The following TBC1D1 variants were observed in gnomAD, a reference collection of about 807,000 sequenced individuals.
TBC1D1 encodes TBC1 (tre-2/USP6, BUB2, cdc16) domain family, member 1.
Under a neutral mutation model 125.6 loss-of-function variants are expected in TBC1D1, and 89 were observed. The ratio of observed to expected loss-of-function variants is 0.71; its 90% CI spans 0.60 to 0.85. TBC1D1 has a LOEUF of 0.85. Among genes scored for constraint, TBC1D1 ranks in the 40% least tolerant of loss-of-function variants. TBC1D1 has a pLI of 0.00. For missense variants in TBC1D1, 1,377 were observed against 1,469.2 expected, an observed-to-expected ratio of 0.94 and a Z score of 1.03; for synonymous variants, 565 against 564.1, an observed-to-expected ratio of 1.00 and a Z score of -0.02.
intron 2 of TBC1D1, chr4:37,952,422 T>TAC (rs1728074788): frequency 3.5e-6 from 1 of 288,234 alleles, no homozygotes; most frequent in African/African-American, 2.2e-5. Context: ...ATGTGGTACA[T>TAC]ACACACCATG....
At chr4:37,967,494 C>CA (rs1280950326) in intron 2 of TBC1D1, among the ~76,000 whole-genome samples, 1,879 of 89,750 alleles carry the variant, frequency 0.021, 40 homozygotes, top group Admixed American at 0.1. Context: ...GACTCTGTCT[C>CA]AAAAAAAAAA....
intron 1 of TBC1D1, among the ~76,000 whole-genome samples, chr4:37,895,404 G>C (rs1036103076): frequency 6.6e-6 from 1 of 151,990 alleles, no homozygotes; most frequent in Non-Finnish European, 1.5e-5. Context: ...CCATTCTAAA[G>C]GACTAGCCTT....
At chr4:38,133,333 G>C in intron 19 of TBC1D1, 76 bp downstream of exon 21, 1 of 1,420,032 alleles carries the variant, frequency 7.0e-7, no homozygotes. Context: ...GGCAACAGCA[G>C]GCTGGGCTTT....
rs757142917 is a variant in TBC1D1, at chr4:38,118,014, T to G, written c.2803-19T>G. ...TGGCAGATCCCTAATTCTCAGCCCT[T>G]GTGGCTGTCTTCCTGCAGATCCAGA... On this transcript the variant is annotated intron_variant, in intron 16 of 19. Transcript: ENST00000261439. 64 of 1,613,220 alleles carry G rather than the reference T, an allele frequency of 4.0e-5. No homozygotes were observed. Among genetic ancestry groups the G allele is most frequent in the Non-Finnish European group, 4.5e-5 (53 of 1,179,518 alleles).
chr4:38,060,627 CTG>C (rs1318473982), intron 12 of TBC1D1: 1 of 1,289,174 alleles, frequency 7.8e-7, no homozygotes, highest in Admixed American at 2.3e-5. Flanking sequence ...CAGAACCTCA[CTG>C]TGGATCGCCA....
At chr4:38,116,639 C>T (rs536917194) in intron 16 of TBC1D1, among the ~76,000 whole-genome samples, 38 of 152,264 alleles carry the variant, frequency 2.5e-4, no homozygotes, top group African/African-American at 8.2e-4. Flanking sequence ...GAAGTAGGCA[C>T]CCCATAAGTA....
intron 12 of TBC1D1, among the ~76,000 whole-genome samples, chr4:38,085,327 A>AT (rs947784752): frequency 2.0e-5 from 3 of 152,106 alleles, no homozygotes; most frequent in South Asian, 2.1e-4. Flanking sequence ...AGGCTACATA[A>AT]TTTAAGTGCT....
intron 2 of TBC1D1, among the ~76,000 whole-genome samples, chr4:37,933,290 C>T (rs1274336653): frequency 6.6e-6 from 1 of 152,040 alleles, no homozygotes; most frequent in African/African-American, 2.4e-5. Flanking sequence ...TACATATTTA[C>T]ACACATATAT....
chr4:37,919,880 A>AG (rs1057392309), intron 2 of TBC1D1, among the ~76,000 whole-genome samples: 47 of 152,198 alleles, frequency 3.1e-4, no homozygotes, highest in African/African-American at 1.1e-3. Context: ...TGGGAGGCCG[A>AG]GGGGGGCGGA....
At chr4:37,959,322 A>G (rs1729525324) in intron 2 of TBC1D1, among the ~76,000 whole-genome samples, 1 of 152,220 alleles carries the variant, frequency 6.6e-6, no homozygotes, top group Non-Finnish European at 1.5e-5. Context: ...TTCTCACAAT[A>G]AAGTAAGCTG....
chr4:38,062,082 G>A (rs1224739701), intron 12 of TBC1D1, among the ~76,000 whole-genome samples: 1 of 152,124 alleles, frequency 6.6e-6, no homozygotes, highest in Non-Finnish European at 1.5e-5. Flanking sequence ...TGAGTGTGGG[G>A]ATGGGGTCTG....
Position 38,137,504 on chromosome 4 carries a change from A to G in TBC1D1, c.*169A>G, listed in dbSNP as rs12644032. The G allele has an allele frequency of 0.012, 11,643 of 971,600 alleles. 523 individuals are homozygous for G. In the East Asian group the frequency reaches 0.12, roughly 10 times the overall value. The allele number at this position is 971,600 out of a possible 1,614,324, so 60.2% of individuals were successfully genotyped here. A position where few individuals can be genotyped will look rare whatever the true frequency, so the allele number is the denominator to read the frequency against. ...AACTCCAACTTGCAATTCAGGGGGC[A>G]TGTCCCAGTGTTTTTTTTGTTGTTT... is the stretch of plus-strand genomic sequence containing the variant. On this transcript the variant is annotated 3_prime_UTR_variant, in exon 20 of 20. Transcript: ENST00000261439.
intron 1 of TBC1D1, among the ~76,000 whole-genome samples, chr4:37,894,134 G>T (rs977870032): frequency 4.6e-5 from 7 of 151,808 alleles, no homozygotes; most frequent in African/African-American, 1.7e-4. Context: ...GACTACAGGC[G>T]TGCTCTACCA....
chr4:37,997,645 T>A (rs1044850406), intron 2 of TBC1D1, among the ~76,000 whole-genome samples: 1 of 152,188 alleles, frequency 6.6e-6, no homozygotes, highest in Admixed American at 6.5e-5. Context: ...TAAGCCCAAA[T>A]ACATATTCCT....
intron 9 of TBC1D1, 59 bp downstream of exon 9, chr4:38,044,549 T>C: frequency 6.6e-7 from 1 of 1,519,822 alleles, no homozygotes; most frequent in East Asian, 2.3e-5. Flanking sequence ...AGTGTAAGAT[T>C]GAGTTCTATG....
intron 15 of TBC1D1, among the ~76,000 whole-genome samples, chr4:38,113,051 G>C (rs1354844464): frequency 1.3e-5 from 2 of 152,196 alleles, no homozygotes; most frequent in East Asian, 3.8e-4. Context: ...TCGGTAGCAA[G>C]GCTGGGAGGA....
chr4:38,116,057 G>A, intron 16 of TBC1D1, 103 bp downstream of exon 18: 2 of 1,287,846 alleles, frequency 1.6e-6, no homozygotes, highest in South Asian at 2.8e-5. Flanking sequence ...AGGTAACATT[G>A]TAATAGCTGT....
At chr4:37,982,115 A>T (rs1734445006) in intron 2 of TBC1D1, among the ~76,000 whole-genome samples, 2 of 151,950 alleles carry the variant, frequency 1.3e-5, no homozygotes, top group Non-Finnish European at 1.5e-5. Context: ...TTCTGTCCTG[A>T]CTCTGGGCTT....
chr4:37,898,759 G>T (rs1715186865), intron 1 of TBC1D1, among the ~76,000 whole-genome samples: 1 of 152,130 alleles, frequency 6.6e-6, no homozygotes, highest in Non-Finnish European at 1.5e-5. Flanking sequence ...GATAACTGTG[G>T]CGGGCTAACG....
Sources: allele counts gnomAD v4.1 joint callset (sites outside exome capture counted in the v4.1 genomes callset), GRCh38; gene constraint gnomAD v4.1.1; transcripts MANE v1.5; gene names NCBI Gene and HGNC (gene_info 2026-07-23, HGNC 2026-07-21).